The following SVOP variants were observed in gnomAD, a reference collection of about 807,000 sequenced individuals.
The protein encoded by SVOP is SV2 related protein, also known as synaptic vesicle 2-related protein.
A neutral mutation model predicts 69.1 loss-of-function variants in SVOP; 17 were observed. The ratio of observed to expected loss-of-function variants is 0.25; its 90% confidence interval spans 0.17 to 0.37. SVOP has a LOEUF of 0.37. SVOP is among the 10% of genes least tolerant of loss of function. The pLI is 1.00. For synonymous variants in SVOP, 238 were observed against 238.6 expected (o/e 1.00, Z 0.02); for missense variants, 435 against 597.5 (o/e 0.73, Z 2.84).
chr12:108,974,999 T>C (rs1265553167), intron 4 of SVOP, among the ~76,000 whole-genome samples: 3 of 152,248 alleles, frequency 2.0e-5, no homozygotes, highest in Non-Finnish European at 2.9e-5. Context: ...AAAACTTTCA[T>C]GTCAATGTAA....
At chr12:108,967,792 G>C (rs886438005) in intron 5 of SVOP, among the ~76,000 whole-genome samples, 2 of 152,130 alleles carry the variant, frequency 1.3e-5, no homozygotes, top group African/African-American at 4.8e-5. Context: ...AATCAAAAAT[G>C]TCTCTAGACA....
rs957256346 is a variant in SVOP at position 108,908,081 on chromosome 12, C to T, written c.*4454G>A. On this transcript the variant is annotated 3_prime_UTR_variant, in exon 16 of 16. Coordinates refer to ENST00000610966, the MANE Select transcript of SVOP (RefSeq NM_018711.5). ...CATTCCTGAAGATCTGGGAGTGGGGCACTGAGCAGCTGAGTCAGGTATGTT... is the reference window on the plus strand; with the variant it reads ...CATTCCTGAAGATCTGGGAGTGGGGTACTGAGCAGCTGAGTCAGGTATGTT... 1.3e-5 allele frequency: 2 copies of T among 152,300 alleles called. No individual in the cohort carries two copies. The highest frequency in any genetic ancestry group is 4.8e-5 in the African/African-American group (2 of 41,426). 9.4% of individuals were successfully genotyped at this position (152,300 alleles called of 1,614,324 possible).
In SVOP at chr12:108,961,053, G is replaced by A. The variant is rs573950393; in HGVS notation, c.454-6C>T. On this transcript the variant is annotated splice_region_variant and splice_polypyrimidine_tract_variant and intron_variant, in intron 5 of 15. Coordinates refer to ENST00000610966, the MANE Select transcript of SVOP (RefSeq NM_018711.5). ...AGCACGCTGATCTTCAGCCCCTGAA[G>A]AGAAGGAAGACACGGAATCACAAGG... 3.3e-5 allele frequency: 50 copies of A among 1,534,686 alleles called. No homozygotes were observed. In the African/African-American group the frequency reaches 3.6e-4, roughly 11 times the overall value.
At chr12:108,929,908 AG>A (rs1435588724) in intron 11 of SVOP, among the ~76,000 whole-genome samples, 3 of 152,302 alleles carry the variant, frequency 2.0e-5, no homozygotes, top group African/African-American at 7.2e-5. Context: ...ACTTGCCCAA[AG>A]TGACACAGGT....
chr12:109,008,969 T>C (rs1317858081), intron 1 of SVOP, among the ~76,000 whole-genome samples: 2 of 144,644 alleles, frequency 1.4e-5, no homozygotes, highest in Non-Finnish European at 3.0e-5. Context: ...TCTTTTTTTT[T>C]TTTTTTTTTT....
chr12:108,991,201 G>C (rs1490671560), intron 1 of SVOP, among the ~76,000 whole-genome samples: 1 of 152,228 alleles, frequency 6.6e-6, no homozygotes, highest in African/African-American at 2.4e-5. Context: ...TAGGAGCAAA[G>C]GCTTGGTGAC....
At chr12:108,919,229 C>G (rs2039733400) in intron 13 of SVOP, among the ~76,000 whole-genome samples, 1 of 149,786 alleles carries the variant, frequency 6.7e-6, no homozygotes. Flanking sequence ...CTGAGCCTCA[C>G]CCACACCTGT....
Position 108,910,367 on chromosome 12 carries a change from C to G in SVOP, c.*2168G>C, listed in dbSNP as rs553066656. ...CTGCCCACCAAGCACTCTATCCCCC[C>G]CAGCCCCCAGCTCCACTGGGTTATT... is the stretch of plus-strand genomic sequence containing the variant. On this transcript the variant is annotated 3_prime_UTR_variant, in exon 16 of 16. Coordinates refer to ENST00000610966, the MANE Select transcript of SVOP (RefSeq NM_018711.5). 3 of 152,324 alleles carry G rather than the reference C, an allele frequency of 2.0e-5. No homozygotes were observed. The highest frequency in any genetic ancestry group is 4.4e-5 in the Non-Finnish European group (3 of 68,132). 9.4% of individuals were successfully genotyped at this position (152,324 alleles called of 1,614,324 possible). A position where few individuals can be genotyped will look rare whatever the true frequency, so the allele number is the denominator to read the frequency against.
intron 1 of SVOP, among the ~76,000 whole-genome samples, chr12:109,017,768 T>C: frequency 6.6e-6 from 1 of 152,150 alleles, no homozygotes; most frequent in Non-Finnish European, 1.5e-5. Flanking sequence ...TGTCTCGAAC[T>C]GCTGACCTCA....
intron 6 of SVOP, among the ~76,000 whole-genome samples, chr12:108,955,428 G>A (rs1226461212): frequency 2.0e-5 from 3 of 152,158 alleles, no homozygotes; most frequent in Non-Finnish European, 4.4e-5. Flanking sequence ...TTATGGCTGC[G>A]GCTCCATTAA....
At chr12:108,949,251 A>G (rs968741092) in intron 6 of SVOP, among the ~76,000 whole-genome samples, 1 of 149,220 alleles carries the variant, frequency 6.7e-6, no homozygotes, top group Non-Finnish European at 1.5e-5. Flanking sequence ...ACTACTAATC[A>G]GAGTTTGCTT....
At chr12:108,962,322 C>T (rs2040022488) in intron 5 of SVOP, among the ~76,000 whole-genome samples, 1 of 152,158 alleles carries the variant, frequency 6.6e-6, no homozygotes, top group Non-Finnish European at 1.5e-5. Flanking sequence ...TATTCTCAAA[C>T]TCCTGGGATC....
At chr12:108,930,681 C>G (rs199951411) in intron 11 of SVOP, among the ~76,000 whole-genome samples, 3 of 152,268 alleles carry the variant, frequency 2.0e-5, no homozygotes, top group African/African-American at 7.2e-5. Context: ...GTGATCCTCC[C>G]ACCTCGGCTC....
intron 10 of SVOP, 104 bp downstream of exon 10, chr12:108,937,160 G>A (rs1410595971): frequency 2.5e-5 from 29 of 1,168,060 alleles, no homozygotes; most frequent in Non-Finnish European, 3.2e-5. Flanking sequence ...ATTTGCAAAC[G>A]CTGCCTGAAA....
intron 5 of SVOP, among the ~76,000 whole-genome samples, chr12:108,969,411 C>T (rs1227307403): frequency 1.5e-5 from 2 of 136,180 alleles, no homozygotes; most frequent in African/African-American, 5.4e-5. Context: ...GACAAATTTT[C>T]ACTCTTGTTG....
At chr12:108,979,147 G>A (rs988356305) in intron 2 of SVOP, among the ~76,000 whole-genome samples, 1 of 152,174 alleles carries the variant, frequency 6.6e-6, no homozygotes, top group Non-Finnish European at 1.5e-5. Context: ...TAATTTGTTT[G>A]TCAGAGGGAG....
intron 4 of SVOP, among the ~76,000 whole-genome samples, chr12:108,976,946 A>G (rs1310838972): frequency 6.6e-6 from 1 of 152,204 alleles, no homozygotes; most frequent in African/African-American, 2.4e-5. Context: ...TGCTGCTGAT[A>G]TCTCCCTGAC....
At chr12:108,942,576 C>T (rs972983736) in intron 7 of SVOP, among the ~76,000 whole-genome samples, 8 of 152,214 alleles carry the variant, frequency 5.3e-5, no homozygotes, top group African/African-American at 1.9e-4. Context: ...AGCACTTACT[C>T]CCCTGGCTCC....
chr12:109,015,269 G>C lies in SVOP; in HGVS notation c.35+5565C>G, dbSNP rs146395083. Reference sequence around the variant, plus strand: ...GGTAGGATAGTGAAAGAGATGAGGTGAGATGGGAACCATAGAAGATTTTTG... The same window carrying C: ...GGTAGGATAGTGAAAGAGATGAGGTCAGATGGGAACCATAGAAGATTTTTG... On this transcript the variant is annotated intron_variant, in intron 1 of 15. Transcript: ENST00000610966. Among the ~76,000 whole-genome samples, 392 of 152,282 alleles carry C rather than the reference G, an allele frequency of 2.6e-3. 3 individuals are homozygous for C. The highest frequency in any genetic ancestry group is 8.8e-3 in the African/African-American group (366 of 41,560).
Sources: gnomAD v4.1 joint callset for allele counts (sites outside exome capture counted in the v4.1 genomes callset) on GRCh38, gnomAD v4.1.1 for gene constraint, MANE v1.5 for transcripts, NCBI Gene and HGNC (gene_info 2026-07-23, HGNC 2026-07-21) for gene names.